The following SEMA5A variants were observed in gnomAD, a reference collection of about 807,000 sequenced individuals.
SEMA5A encodes the protein semaphorin-5A.
A neutral mutation model predicts 135.5 loss-of-function variants in SEMA5A; 55 were observed. The observed-to-expected ratio is 0.41, with a 90% CI of 0.33 to 0.51. The LOEUF (loss-of-function observed/expected upper bound fraction) is 0.51, where lower values mean the gene tolerates loss of function less well. SEMA5A is among the 20% of genes least tolerant of loss of function. SEMA5A has a pLI of 0.37. For synonymous variants in SEMA5A, 580 were observed against 546.5 expected, an observed-to-expected ratio of 1.06 and a Z score of -0.85; for missense variants, 1,290 against 1,419.9, an observed-to-expected ratio of 0.91 and a Z score of 1.47.
chr5:9,066,577 G>T lies in SEMA5A; in HGVS notation c.2143C>A (p.Pro715Thr). 3 of 1,614,170 alleles carry T rather than the reference G, an allele frequency of 1.9e-6. No homozygotes were observed. The Admixed American group carries it at 5.0e-5, about 27-fold the overall frequency. The change falls in exon 17 of 23, where the codon CCT (proline) becomes ACT (threonine). Residue 715 changes from proline to threonine, a missense_variant. By Grantham distance (38) the Pro-to-Thr change is conservative. This residue lies in a region of SEMA5A where 1,029 missense variants were observed against 1,086.6 expected (regional missense o/e 0.95). Coordinates refer to ENST00000382496, the MANE Select transcript of SEMA5A (RefSeq NM_003966.3). ...KKTTPWTPWT[P>T]VNISDNGGHY... ...CCGCCGTTGTCAGAGATGTTGACAG[G>T]TGTCCAGGGTGTCCAGGGCGTGGTC...
chr5:9,222,455 T>G (rs916346106), intron 8 of SEMA5A, among the ~76,000 whole-genome samples: 1 of 152,100 alleles, frequency 6.6e-6, no homozygotes, highest in Non-Finnish European at 1.5e-5. Context: ...GAGAGGGTCT[T>G]CCCAATGTAG....
At chr5:9,426,984 A>C (rs34191781) in intron 2 of SEMA5A, among the ~76,000 whole-genome samples, 12,576 of 152,324 alleles carry the variant, frequency 0.083, 643 homozygotes, top group African/African-American at 0.11. Flanking sequence ...TATTAAAAGA[A>C]TATAGTCCAG....
chr5:9,182,061 C>G (rs1415882505), intron 11 of SEMA5A, among the ~76,000 whole-genome samples: 5 of 151,982 alleles, frequency 3.3e-5, no homozygotes, highest in African/African-American at 1.2e-4. Context: ...TTCTTCTTAC[C>G]ACTGAAAGCC....
chr5:9,286,791 A>G (rs986588448), intron 5 of SEMA5A, among the ~76,000 whole-genome samples: 4 of 152,196 alleles, frequency 2.6e-5, no homozygotes, highest in Non-Finnish European at 5.9e-5. Flanking sequence ...TGGCAAATTC[A>G]TCTTGGCAAA....
At chr5:9,125,123 A>G (rs1218210943) in intron 13 of SEMA5A, among the ~76,000 whole-genome samples, 1 of 144,110 alleles carries the variant, frequency 6.9e-6, no homozygotes, top group African/African-American at 2.5e-5. Flanking sequence ...CTAACATGAA[A>G]AGTGTTCGTT....
At chr5:9,197,441 G>GATGAAGTC in intron 9 of SEMA5A, 138 bp from the exon 10 acceptor site, 1 of 1,027,146 alleles carries the variant, frequency 9.7e-7, no homozygotes, top group Non-Finnish European at 1.4e-6. Context: ...ATCCCAAAAG[G>GATGAAGTC]ATGAAGTCAG....
chr5:9,346,767 G>C (rs1362324584), intron 3 of SEMA5A, among the ~76,000 whole-genome samples: 1 of 152,224 alleles, frequency 6.6e-6, no homozygotes, highest in Non-Finnish European at 1.5e-5. Context: ...GGAGTTGAGA[G>C]CTGAGGGCTG....
chr5:9,185,889 G>A (rs985478960), intron 11 of SEMA5A, among the ~76,000 whole-genome samples: 3 of 152,218 alleles, frequency 2.0e-5, no homozygotes, highest in Non-Finnish European at 4.4e-5. Context: ...CAGAGCGGCA[G>A]CCACATGTCT....
In SEMA5A at chr5:9,281,433, G is replaced by T. The variant is rs919406959; in HGVS notation, c.270+36939C>A. Among the ~76,000 whole-genome samples, 8 of 152,338 alleles carry T rather than the reference G, an allele frequency of 5.3e-5. No individual in the cohort carries two copies. In the East Asian group the frequency reaches 1.5e-3, roughly 29 times the overall value. ...GACAGCTGGGAAGGGTTTGCTACTG[G>T]CGTCTAGTGGATAGAGTCCAGGATG... On this transcript the variant is annotated intron_variant, in intron 5 of 22. Coordinates refer to ENST00000382496, the MANE Select transcript of SEMA5A (RefSeq NM_003966.3).
intron 2 of SEMA5A, among the ~76,000 whole-genome samples, chr5:9,404,203 G>T (rs922374419): frequency 2.0e-5 from 3 of 152,104 alleles, no homozygotes; most frequent in Non-Finnish European, 4.4e-5. Flanking sequence ...CAAAGTGCTG[G>T]GATTACAGGC....
At chr5:9,317,991 A>G (rs996302725) in intron 5 of SEMA5A, among the ~76,000 whole-genome samples, 9 of 152,210 alleles carry the variant, frequency 5.9e-5, no homozygotes, top group African/African-American at 2.2e-4. Context: ...TAAAGAGGAA[A>G]CAAAGCTGTT....
intron 10 of SEMA5A, 22 bp from the exon 11 acceptor site, chr5:9,190,493 G>A: frequency 6.2e-7 from 1 of 1,609,704 alleles, no homozygotes; most frequent in East Asian, 2.2e-5. Context: ...GACGGGCCAG[G>A]TTACCAGAGC....
In SEMA5A at chr5:9,263,530, A is replaced by T. The variant is rs115703788; in HGVS notation, c.271-25640T>A. Among the ~76,000 whole-genome samples, 1,492 of 152,248 alleles carry T rather than the reference A, an allele frequency of 9.8e-3. 26 individuals carry two copies. Among genetic ancestry groups the T allele is most frequent in the African/African-American group, 0.035 (1,440 of 41,540 alleles). On this transcript the variant is annotated intron_variant, in intron 5 of 22. Transcript: ENST00000382496. ...CACCCACCCTTTCCCCACTGCCCCAATGCTCGTGGAAAAATTGTCTTCCAC... is the reference window on the plus strand; with the variant it reads ...CACCCACCCTTTCCCCACTGCCCCATTGCTCGTGGAAAAATTGTCTTCCAC...
In SEMA5A at chr5:9,038,290, G is replaced by T. The variant is rs958202827; in HGVS notation, c.*4607C>A. The T allele has an allele frequency of 1.3e-5, 2 of 152,174 alleles. No individual in the cohort carries two copies. The highest frequency in any genetic ancestry group is 4.8e-5 in the African/African-American group (2 of 41,446). The allele number at this position is 152,174 out of a possible 1,614,324, so 9.4% of individuals were successfully genotyped here. A position where few individuals can be genotyped will look rare whatever the true frequency, so the allele number is the denominator to read the frequency against. On this transcript the variant is annotated 3_prime_UTR_variant, in exon 23 of 23. Coordinates refer to ENST00000382496, the MANE Select transcript of SEMA5A (RefSeq NM_003966.3). Reference sequence around the variant, plus strand: ...AGCACAGCCCTGCCATGTGGAAAATGGTTATGCAGTCGCTGTTAATTTTAT... The same window carrying T: ...AGCACAGCCCTGCCATGTGGAAAATTGTTATGCAGTCGCTGTTAATTTTAT...
In SEMA5A at chr5:9,154,690, C is replaced by G; in HGVS notation, c.1279G>C (p.Gly427Arg). The change falls in exon 12 of 23, where the codon GGA becomes CGA. Residue 427 changes from glycine (G) to arginine (R), a missense_variant. Physicochemically the swap from Gly to Arg is moderately radical, Grantham distance 125. Around this residue, in one of 3 missense-constraint regions of SEMA5A, gnomAD observed 1,029 missense variants for 1,086.6 expected, o/e 0.95. Transcript: ENST00000382496. The stretch of plus-strand genomic sequence containing the variant: ...GGTACCCGCACTTTCTTAATGGTTC[C>G]GTAATCTATGAAGGTCACAGGATGA... ...VHIIYLATDY[G>R]TIKKVRVPLN... 6.2e-7 allele frequency: 1 copy of G among 1,613,740 alleles called. No individual in the cohort carries two copies. The highest frequency in any genetic ancestry group is 1.7e-5 in the Admixed American group (1 of 60,012).
intron 1 of SEMA5A, among the ~76,000 whole-genome samples, chr5:9,528,438 C>T (rs546462942): frequency 6.6e-6 from 1 of 152,132 alleles, no homozygotes; most frequent in Non-Finnish European, 1.5e-5. Flanking sequence ...GTCTCCCCAC[C>T]CACAAATTCT....
At chr5:9,405,175 A>G (rs1270743032) in intron 2 of SEMA5A, among the ~76,000 whole-genome samples, 1 of 152,220 alleles carries the variant, frequency 6.6e-6, no homozygotes, top group African/African-American at 2.4e-5. Flanking sequence ...AAACACCCAC[A>G]TGTTACAGCA....
At chr5:9,413,423 T>A (rs1757172977) in intron 2 of SEMA5A, among the ~76,000 whole-genome samples, 1 of 152,192 alleles carries the variant, frequency 6.6e-6, no homozygotes. Flanking sequence ...AAGGCTTCAA[T>A]GGCATGTACA....
intron 6 of SEMA5A, among the ~76,000 whole-genome samples, chr5:9,235,381 T>G (rs1317064028): frequency 2.6e-5 from 4 of 152,224 alleles, no homozygotes; most frequent in Admixed American, 1.3e-4. Context: ...GGTCAATGTC[T>G]GGCAATGTGT....
Sources: gnomAD v4.1 joint callset for allele counts (sites outside exome capture counted in the v4.1 genomes callset) on GRCh38, gnomAD v4.1.1 for gene constraint, gnomAD v4.1.1 regional missense constraint, MANE v1.5 for transcripts, NCBI Gene and HGNC (gene_info 2026-07-23, HGNC 2026-07-21) for gene names.